The following CCDC57 variants were observed in gnomAD, a reference collection of about 807,000 sequenced individuals.
CCDC57 encodes coiled-coil domain containing 57, also known as coiled-coil domain-containing protein 57.
A neutral mutation model predicts 118.9 loss-of-function variants in CCDC57; 118 were observed. That is an observed-to-expected ratio of 0.99 (90% CI 0.86 to 1.16). The LOEUF (loss-of-function observed/expected upper bound fraction) is 1.16, where lower values mean the gene tolerates loss of function less well. Among genes scored for constraint, CCDC57 ranks in the 50% most tolerant of loss-of-function variants. The pLI is 0.00. For synonymous variants in CCDC57, 527 were observed against 532.9 expected (o/e 0.99, Z 0.15); for missense variants, 1,300 against 1,320.7 (o/e 0.98, Z 0.24).
At chr17:82,131,519 T>C (rs1402550261) in intron 17 of CCDC57, among the ~76,000 whole-genome samples, 1 of 151,982 alleles carries the variant, frequency 6.6e-6, no homozygotes, top group Non-Finnish European at 1.5e-5. Context: ...GGTGGGCAAA[T>C]TGCTTCAGTC....
chr17:82,128,922 GTT>G (rs765506600), intron 17 of CCDC57, among the ~76,000 whole-genome samples: 2 of 147,636 alleles, frequency 1.4e-5, no homozygotes, highest in Non-Finnish European at 1.5e-5. Context: ...CTGCTTTTTT[GTT>G]TTTTTTTTTT....
chr17:82,148,370 T>A, intron 16 of CCDC57, among the ~76,000 whole-genome samples: 1 of 5,386 alleles, frequency 1.9e-4, no homozygotes, highest in African/African-American at 8.8e-4. Context: ...GATGGGTGGA[T>A]GGGTGGGTGG....
chr17:82,118,822 A>G lies in CCDC57; in HGVS notation c.2899+8870T>C, dbSNP rs1313038042. Reference sequence around the variant, plus strand: ...TTTCAGGTAAAAACACTACCTTAGAAATCTGTGATTTCTTCACCCGTATCT... The same window carrying G: ...TTTCAGGTAAAAACACTACCTTAGAGATCTGTGATTTCTTCACCCGTATCT... On this transcript the variant is annotated intron_variant, in intron 19 of 19. Coordinates refer to ENST00000665763, the Ensembl canonical transcript of CCDC57. The surrounding 1 kb of genome is among the most constrained non-coding windows in gnomAD (Gnocchi z 4.7). Among the ~76,000 whole-genome samples, 3 of 151,834 alleles carry G rather than the reference A, an allele frequency of 2.0e-5. No individual in the cohort carries two copies. Among genetic ancestry groups the G allele is most frequent in the Non-Finnish European group, 2.9e-5 (2 of 67,964 alleles).
At chr17:82,133,754 G>A (rs2145399685) in intron 17 of CCDC57, among the ~76,000 whole-genome samples, 1 of 152,010 alleles carries the variant, frequency 6.6e-6, no homozygotes, top group Non-Finnish European at 1.5e-5. Flanking sequence ...CCAGCAACTC[G>A]GAAGGCTGAC....
intron 11 of CCDC57, among the ~76,000 whole-genome samples, chr17:82,177,750 C>T (rs2045711653): frequency 6.6e-6 from 1 of 152,134 alleles, no homozygotes; most frequent in Non-Finnish European, 1.5e-5. Flanking sequence ...GGCAGGGACT[C>T]TTGGGTGGTC....
intron 7 of CCDC57, among the ~76,000 whole-genome samples, chr17:82,191,350 C>T (rs945814917): frequency 3.3e-5 from 5 of 152,140 alleles, no homozygotes; most frequent in Non-Finnish European, 5.9e-5. Flanking sequence ...CCATCACTCA[C>T]GCCTGCCTTG....
chr17:82,171,501 CA>C (rs1219962126), intron 13 of CCDC57, among the ~76,000 whole-genome samples, 199 bp downstream of exon 12: 1 of 151,318 alleles, frequency 6.6e-6, no homozygotes, highest in Non-Finnish European at 1.5e-5. Flanking sequence ...CCATTCACAC[CA>C]AAACAGGGAA....
chr17:82,113,574 G>A (rs11653662), intron 19 of CCDC57: 133,457 of 717,456 alleles, frequency 0.19, 14,082 homozygotes, highest in Non-Finnish European at 0.23. Context: ...ATTCCCCCTC[G>A]CATTCCTGGA....
intron 16 of CCDC57, among the ~76,000 whole-genome samples, chr17:82,147,820 G>A (rs1230215915): frequency 7.6e-6 from 1 of 130,834 alleles, no homozygotes; most frequent in African/African-American, 3.0e-5. Context: ...AGATGAATGG[G>A]TGGGTGGATG....
chr17:82,163,199 C>A lies in CCDC57; in HGVS notation c.2040+1G>T. On this transcript the variant is annotated splice_donor_variant, in intron 14 of 19. Coordinates refer to ENST00000665763, the Ensembl canonical transcript of CCDC57. LOFTEE classifies it high-confidence loss of function. ...TGACCCCACAAACTTGACTGCCTCA[C>A]CTTCTGTCTGAGTCGTGTCACCAGC... 3 of 1,613,558 alleles carry A rather than the reference C, an allele frequency of 1.9e-6. No homozygotes were observed. Among genetic ancestry groups the A allele is most frequent in the Non-Finnish European group, 2.5e-6 (3 of 1,179,544 alleles).
In CCDC57 at chr17:82,212,375, C is replaced by T. The variant is rs1402812221; in HGVS notation, c.-211+410G>A. ...CTGGATTACAGGCGCGAACCACCGC[C>T]TCCGGCCTTTTTTTTTCCTCTCTTT... On this transcript the variant is annotated intron_variant, in intron 1 of 19. Coordinates refer to ENST00000665763, the Ensembl canonical transcript of CCDC57. The surrounding 1 kb of genome is among the most constrained non-coding windows in gnomAD (Gnocchi z 4.1). Among the ~76,000 whole-genome samples the T allele has an allele frequency of 1.3e-5, 2 of 151,144 alleles. No homozygotes were observed. Among genetic ancestry groups the T allele is most frequent in the African/African-American group, 4.9e-5 (2 of 40,948 alleles).
At chr17:82,166,141 G>A (rs1048541102) in intron 13 of CCDC57, among the ~76,000 whole-genome samples, 16 of 151,486 alleles carry the variant, frequency 1.1e-4, no homozygotes, top group African/African-American at 1.5e-4. Flanking sequence ...AAAATTACTC[G>A]TCATATTAAC....
chr17:82,127,507 A>G (rs1276628781), intron 19 of CCDC57, 185 bp downstream of exon 18: 6 of 985,364 alleles, frequency 6.1e-6, no homozygotes, highest in Non-Finnish European at 7.2e-6. Flanking sequence ...GCTTTGCACC[A>G]TAACCCGGGA....
Position 82,172,191 on chromosome 17 carries a change from G to A in CCDC57, c.1730-338C>T, listed in dbSNP as rs1256965763. Among the ~76,000 whole-genome samples the A allele has an allele frequency of 6.6e-6, 1 of 152,226 alleles. No homozygotes were observed. The highest frequency in any genetic ancestry group is 1.5e-5 in the Non-Finnish European group (1 of 68,048). ...GCCAAGTCCCATCTCGAGAACGGAA[G>A]CTCTGCCTCCATCCCGGCATCTGCC... On this transcript the variant is annotated intron_variant, in intron 12 of 19. Transcript: ENST00000665763. This position sits in a 1 kb window ranked among gnomAD's most constrained non-coding sequence, Gnocchi z 5.2.
chr17:82,128,816 C>T (rs1164891541), intron 17 of CCDC57, among the ~76,000 whole-genome samples: 3 of 152,202 alleles, frequency 2.0e-5, no homozygotes. Flanking sequence ...GCCTTCTCTG[C>T]AAGGCCAGGG....
chr17:82,121,132 T>C (rs1190429689), intron 19 of CCDC57, among the ~76,000 whole-genome samples: 1 of 152,136 alleles, frequency 6.6e-6, no homozygotes, highest in African/African-American at 2.4e-5. Flanking sequence ...CCGCCTGTAA[T>C]CCCAGCTACT....
At chr17:82,105,947 C>T (rs2034815432) in intron 19 of CCDC57, among the ~76,000 whole-genome samples, 1 of 152,244 alleles carries the variant, frequency 6.6e-6, no homozygotes, top group South Asian at 2.1e-4. Context: ...TCCTTCAGGC[C>T]CCGCCTGCTG....
Position 82,151,785 on chromosome 17 carries a change from C to T in CCDC57, c.2242-12G>A, listed in dbSNP as rs2042096747. On this transcript the variant is annotated splice_polypyrimidine_tract_variant and intron_variant, in intron 15 of 19. Transcript: ENST00000665763. ...CTCTTGGTGAGGCCCTGTAACAAAA[C>T]TCACAGGCAGACACCCCTGTGAGGC... The T allele has an allele frequency of 1.3e-6, 2 of 1,548,280 alleles. No individual in the cohort carries two copies. The highest frequency in any genetic ancestry group is 1.7e-6 in the Non-Finnish European group (2 of 1,146,306).
chr17:82,185,354 A>G (rs144442545), intron 8 of CCDC57, among the ~76,000 whole-genome samples: 2,756 of 152,284 alleles, frequency 0.018, 26 homozygotes, highest in Non-Finnish European at 0.029. Context: ...ATGGTGGCTC[A>G]TGCCTGTAAT....
Sources: allele counts gnomAD v4.1 joint callset (sites outside exome capture counted in the v4.1 genomes callset), GRCh38; gene constraint gnomAD v4.1.1; non-coding constraint Gnocchi (gnomAD v3.1); transcripts MANE v1.5; gene names NCBI Gene and HGNC (gene_info 2026-07-23, HGNC 2026-07-21).